Variants in WNK3 observed in about 807,000 individuals in gnomAD.
WNK3 encodes the protein serine/threonine-protein kinase WNK3.
A neutral mutation model predicts 116.7 loss-of-function variants in WNK3; 18 were observed. The observed-to-expected ratio is 0.15, with a 90% CI of 0.11 to 0.23. The LOEUF (loss-of-function observed/expected upper bound fraction) is 0.23. WNK3 is among the 10% of genes least tolerant of loss of function. WNK3 has a pLI of 1.00. For missense variants in WNK3, 993 were observed against 1,323.8 expected (o/e 0.75, Z 3.88); for synonymous variants, 404 against 469.4 (o/e 0.86, Z 1.80).
intron 10 of WNK3, among the ~76,000 whole-genome samples, chrX:54,277,242 G>A (rs1175393049): frequency 7.2e-5 from 8 of 111,288 alleles, no homozygotes; most frequent in Non-Finnish European, 1.3e-4. Context: ...GGAAATTCTA[G>A]CCAGCACAAT....
intron 6 of WNK3, among the ~76,000 whole-genome samples, chrX:54,301,390 C>T (rs2068757219): frequency 9.0e-6 from 1 of 110,922 alleles, no homozygotes; most frequent in African/African-American, 3.3e-5. Flanking sequence ...TTTCTTCTAT[C>T]CATATTAGCT....
exon 23 of WNK3, chrX:54,202,036 T>C: frequency 8.3e-7 from 1 of 1,211,696 alleles, no homozygotes. Context: ...TGTGTTGACT[T>C]TGTTTAAGTT....
chrX:54,313,046 T>C (rs948158338), intron 2 of WNK3, among the ~76,000 whole-genome samples: 2 of 111,224 alleles, frequency 1.8e-5, no homozygotes, highest in Non-Finnish European at 3.8e-5. Context: ...TCTTCTCTTT[T>C]TCATTGCTTT....
chrX:54,203,503 C>T (rs2067521415), intron 22 of WNK3, among the ~76,000 whole-genome samples: 1 of 111,267 alleles, frequency 9.0e-6, no homozygotes, highest in Middle Eastern at 4.3e-3. Flanking sequence ...AAAAAAATTG[C>T]AAGAGGTAAT....
At chrX:54,261,101 T>C (rs2068251343) in intron 10 of WNK3, among the ~76,000 whole-genome samples, 1 of 109,725 alleles carries the variant, frequency 9.1e-6, no homozygotes, top group Non-Finnish European at 1.9e-5. Context: ...GTTCATCCAA[T>C]CTTGGATTGA....
intron 2 of WNK3, among the ~76,000 whole-genome samples, chrX:54,313,763 G>C (rs782741954): frequency 8.9e-6 from 1 of 112,225 alleles, no homozygotes; most frequent in Non-Finnish European, 1.9e-5. Context: ...AATGCTATTA[G>C]AGGTTATTTA....
chrX:54,205,729 C>T (rs2067547362), intron 22 of WNK3, among the ~76,000 whole-genome samples: 1 of 112,179 alleles, frequency 8.9e-6, no homozygotes, highest in Non-Finnish European at 1.9e-5. Context: ...CATTTATTTA[C>T]TGATTTCATT....
chrX:54,238,186 T>C (rs2067984364), intron 19 of WNK3, among the ~76,000 whole-genome samples, 156 bp downstream of exon 19: 1 of 110,275 alleles, frequency 9.1e-6, no homozygotes. Context: ...TGAGCTAAGA[T>C]CACACCATTG....
intron 1 of WNK3, among the ~76,000 whole-genome samples, chrX:54,353,786 G>T (rs1480545925): frequency 2.8e-5 from 3 of 107,962 alleles, no homozygotes; most frequent in African/African-American, 1.0e-4. Flanking sequence ...AGAAAACAAT[G>T]TACTTCATTT....
At chrX:54,338,322 T>A (rs782217372) in intron 1 of WNK3, among the ~76,000 whole-genome samples, 12 of 110,216 alleles carry the variant, frequency 1.1e-4, no homozygotes, top group African/African-American at 2.6e-4. Context: ...CTTGGGAGGC[T>A]GAAGCTCAAG....
At chrX:54,296,485 A>C (rs941517216) in intron 7 of WNK3, among the ~76,000 whole-genome samples, 1 of 110,769 alleles carries the variant, frequency 9.0e-6, no homozygotes, top group East Asian at 2.8e-4. Flanking sequence ...GACCCAGCTA[A>C]TCCCATGTCC....
chrX:54,302,930 ATTTTTT>A (rs782315389), intron 5 of WNK3, among the ~76,000 whole-genome samples: 2 of 81,722 alleles, frequency 2.4e-5, no homozygotes, highest in African/African-American at 1.0e-4. Context: ...AACTCGGCTA[ATTTTTT>A]TTTTTTTTTT....
At chrX:54,334,919 T>C (rs1184395907) in intron 1 of WNK3, among the ~76,000 whole-genome samples, 18 of 111,653 alleles carry the variant, frequency 1.6e-4, no homozygotes, top group Admixed American at 8.7e-4. Flanking sequence ...ATAAGCCTAA[T>C]TGGTGTTTAA....
chrX:54,239,106 G>A lies in WNK3; in HGVS notation c.3652-7C>T, dbSNP rs201486628. ...AAGCATCTGAGGACATCTCCTAATG[G>A]AGACAAAACAAAACAAAACAAAACA... On this transcript the variant is annotated splice_polypyrimidine_tract_variant and splice_region_variant and intron_variant, in intron 17 of 23. Transcript: ENST00000354646. 1 of 939,197 alleles carries A rather than the reference G, an allele frequency of 1.1e-6. No homozygotes were observed. The highest frequency in any genetic ancestry group is 1.4e-6 in the Non-Finnish European group (1 of 712,865). 77.4% of individuals were successfully genotyped at this position (939,197 alleles called of 1,213,427 possible).
At chrX:54,245,602 A>G (rs1198612384) in intron 17 of WNK3, among the ~76,000 whole-genome samples, 1 of 111,589 alleles carries the variant, frequency 9.0e-6, no homozygotes, top group Non-Finnish European at 1.9e-5. Context: ...TTTCCTGGAG[A>G]TATGTCCATG....
At chrX:54,217,315 C>CA (rs782153999) in intron 22 of WNK3, among the ~76,000 whole-genome samples, 778 of 49,918 alleles carry the variant, frequency 0.016, 6 homozygotes, top group South Asian at 0.022. Flanking sequence ...AAGACTCCAT[C>CA]AAAAAAAAAA....
chrX:54,279,425 G>A (rs2068489561), intron 10 of WNK3, among the ~76,000 whole-genome samples: 1 of 111,214 alleles, frequency 9.0e-6, no homozygotes, highest in Admixed American at 9.7e-5. Flanking sequence ...TTAGCCAGGT[G>A]TGGTGGTGCA....
intron 6 of WNK3, among the ~76,000 whole-genome samples, chrX:54,299,666 C>T (rs987481329): frequency 9.2e-6 from 1 of 109,047 alleles, no homozygotes. Flanking sequence ...TTTTGTGATC[C>T]GCCCCACTCA....
At chrX:54,208,136 T>C (rs1330424411) in intron 22 of WNK3, among the ~76,000 whole-genome samples, 3 of 110,296 alleles carry the variant, frequency 2.7e-5, no homozygotes, top group Non-Finnish European at 5.7e-5. Flanking sequence ...ACTATATATG[T>C]TTTTTTGAGA....
Sources: gnomAD v4.1 joint callset for allele counts (sites outside exome capture counted in the v4.1 genomes callset) on GRCh38, gnomAD v4.1.1 for gene constraint, MANE v1.5 for transcripts, NCBI Gene and HGNC (gene_info 2026-07-23, HGNC 2026-07-21) for gene names.